ATP6V0A2: variants seen among roughly 807,000 people sequenced by gnomAD.
ATP6V0A2 encodes V-type proton ATPase 116 kDa subunit a 2.
A neutral mutation model predicts 104.4 loss-of-function variants in ATP6V0A2; 58 were observed. That is an observed-to-expected ratio of 0.56 (90% confidence interval 0.45 to 0.69). The LOEUF (loss-of-function observed/expected upper bound fraction) is 0.69, where lower values mean the gene tolerates loss of function less well. Among genes scored for constraint, ATP6V0A2 ranks in the 30% least tolerant of loss-of-function variants. The pLI is 0.00. For synonymous variants in ATP6V0A2, 376 were observed against 397.9 expected (o/e 0.95, Z 0.65); for missense variants, 938 against 1,062.9 (o/e 0.88, Z 1.63).
chr12:123,760,596 T>G lies in ATP6V0A2; in HGVS notation c.*2564T>G, dbSNP rs1956804334. 1 of 152,242 alleles carries G rather than the reference T, an allele frequency of 6.6e-6. No homozygotes were observed. Among genetic ancestry groups the G allele is most frequent in the African/African-American group, 2.4e-5 (1 of 41,466 alleles). The allele number at this position is 152,242 out of a possible 1,614,324, so 9.4% of individuals were successfully genotyped here. ...ATGTTTATTTTCCTAAAGATAAATG[T>G]CACGACACGACATTTCTCAGTTTTT... On this transcript the variant is annotated 3_prime_UTR_variant, in exon 20 of 20. Coordinates refer to ENST00000330342, the MANE Select transcript of ATP6V0A2 (RefSeq NM_012463.4).
At chr12:123,733,894 A>G in intron 6 of ATP6V0A2, 32 bp from the exon 7 acceptor site, 2 of 1,534,590 alleles carry the variant, frequency 1.3e-6, no homozygotes, top group Non-Finnish European at 1.8e-6. Context: ...ATACACGCAG[A>G]AATAACACTT....
At chr12:123,718,800 GAA>G in intron 2 of ATP6V0A2, 99 bp downstream of exon 2, 1 of 799,478 alleles carries the variant, frequency 1.3e-6, no homozygotes, top group African/African-American at 1.8e-5. Context: ...AAGCAGAAAG[GAA>G]AAAAAGAAAT....
chr12:123,724,102 T>C (rs1167575259), intron 3 of ATP6V0A2: 1 of 152,016 alleles, frequency 6.6e-6, no homozygotes, highest in Non-Finnish European at 1.5e-5. Context: ...TTTATTTATT[T>C]ACTTTGAGAA....
At chr12:123,756,029 C>T (rs1366783475) in intron 18 of ATP6V0A2, among the ~76,000 whole-genome samples, 7 of 146,380 alleles carry the variant, frequency 4.8e-5, no homozygotes, top group African/African-American at 1.0e-4. Flanking sequence ...TGCAGTGAGC[C>T]GAGATCATGC....
intron 9 of ATP6V0A2, among the ~76,000 whole-genome samples, chr12:123,739,938 T>C (rs961227910): frequency 6.6e-6 from 1 of 152,200 alleles, no homozygotes; most frequent in Non-Finnish European, 1.5e-5. Flanking sequence ...GAAAAATATC[T>C]TTTCTTTTTC....
In ATP6V0A2 at chr12:123,751,244, G is replaced by A. The variant is rs781095716; in HGVS notation, c.2055+15G>A. The A allele has an allele frequency of 1.7e-5, 27 of 1,614,132 alleles. No individual in the cohort carries two copies. In the South Asian group the frequency reaches 2.5e-4, roughly 15 times the overall value. On this transcript the variant is annotated intron_variant, in intron 16 of 19. Transcript: ENST00000330342. Reference sequence around the variant, plus strand: ...GGGTGAACCGGGTAAGTGCGGGTTTGGATGCATTTACAACTGTGAGCAAAG... The same window carrying A: ...GGGTGAACCGGGTAAGTGCGGGTTTAGATGCATTTACAACTGTGAGCAAAG...
At position 123,730,246 on chromosome 12, in the gene ATP6V0A2, G is replaced by A. The variant is rs187285839; in HGVS notation, c.648+2337G>A. ...ATTTTTTGTATTTTTTAGTAGAGAC[G>A]GGGTTTCACTGTGTTAGCCAGGATG... On this transcript the variant is annotated intron_variant, in intron 6 of 19. Coordinates refer to ENST00000330342, the MANE Select transcript of ATP6V0A2 (RefSeq NM_012463.4). Among the ~76,000 whole-genome samples, 247 of 151,868 alleles carry A rather than the reference G, an allele frequency of 1.6e-3. 1 individual carries two copies. Among genetic ancestry groups the A allele is most frequent in the African/African-American group, 5.3e-3 (218 of 41,378 alleles).
Position 123,744,498 on chromosome 12 carries a change from T to C in ATP6V0A2, c.1327-99T>C. The stretch of plus-strand genomic sequence containing the variant: ...CAGGGATGTCTGCGGGGCGAGGCTG[T>C]TTTCTGAGAAGTGAGTGGTGAGGGT... On this transcript the variant is annotated intron_variant, in intron 11 of 19. Coordinates refer to ENST00000330342, the MANE Select transcript of ATP6V0A2 (RefSeq NM_012463.4). The surrounding 1 kb of genome is among the most constrained non-coding windows in gnomAD (Gnocchi z 5.4). The C allele has an allele frequency of 1.3e-6, 2 of 1,580,964 alleles. No homozygotes were observed. The highest frequency in any genetic ancestry group is 1.7e-6 in the Non-Finnish European group (2 of 1,154,958).
At chr12:123,756,261 A>G (rs1286775119) in intron 18 of ATP6V0A2, 1 of 151,840 alleles carries the variant, frequency 6.6e-6, no homozygotes, top group Non-Finnish European at 1.5e-5. Context: ...TACTGTGCAA[A>G]GCAAGCACTG....
intron 19 of ATP6V0A2, among the ~76,000 whole-genome samples, chr12:123,757,295 G>T (rs900253620): frequency 6.6e-6 from 1 of 152,102 alleles, no homozygotes; most frequent in Admixed American, 6.5e-5. Flanking sequence ...ACAAAAATTA[G>T]CTGGGTGTGG....
chr12:123,756,995 G>A lies in ATP6V0A2; in HGVS notation c.2465+9G>A, dbSNP rs1394843451. 6.2e-7 allele frequency: 1 copy of A among 1,614,036 alleles called. No individual in the cohort carries two copies. The highest frequency in any genetic ancestry group is 8.5e-7 in the Non-Finnish European group (1 of 1,180,016). On this transcript the variant is annotated intron_variant, in intron 19 of 19. Coordinates refer to ENST00000330342, the MANE Select transcript of ATP6V0A2 (RefSeq NM_012463.4). Reference sequence around the variant, plus strand: ...GCCATACGCCTCCACTGGTGAGTTTGAAACCTAGCCTTGGAGCTGTTATTT... The same window carrying A: ...GCCATACGCCTCCACTGGTGAGTTTAAAACCTAGCCTTGGAGCTGTTATTT...
chr12:123,750,421 G>T (rs1956703684), intron 15 of ATP6V0A2: 2 of 153,970 alleles, frequency 1.3e-5, no homozygotes, highest in Non-Finnish European at 2.9e-5. Context: ...CCTGTTGATG[G>T]TGTGTAGATA....
At chr12:123,749,494 G>A (rs1479792198) in intron 15 of ATP6V0A2, among the ~76,000 whole-genome samples, 2 of 152,276 alleles carry the variant, frequency 1.3e-5, no homozygotes, top group Non-Finnish European at 2.9e-5. Context: ...CCGCTCTGCT[G>A]TTTCCTCAGG....
intron 18 of ATP6V0A2, 49 bp downstream of exon 18, chr12:123,754,586 A>C (rs369149984): frequency 1.3e-4 from 169 of 1,290,516 alleles, no homozygotes; most frequent in Non-Finnish European, 1.8e-4. Flanking sequence ...TAGTGCCAGC[A>C]GACTCAGGGG....
At chr12:123,730,087 C>T (rs1224287557) in intron 6 of ATP6V0A2, among the ~76,000 whole-genome samples, 1 of 122,130 alleles carries the variant, frequency 8.2e-6, no homozygotes, top group African/African-American at 3.3e-5. Flanking sequence ...CAGCGTCTGG[C>T]TCTGTCGCCC....
intron 2 of ATP6V0A2, 96 bp downstream of exon 2, chr12:123,718,797 A>G: frequency 1.2e-6 from 1 of 822,960 alleles, no homozygotes; most frequent in Non-Finnish European, 2.0e-6. Context: ...GACAAGCAGA[A>G]AGGAAAAAAA....
intron 13 of ATP6V0A2, 127 bp downstream of exon 13, chr12:123,745,099 C>A: frequency 2.2e-6 from 2 of 927,640 alleles, no homozygotes; most frequent in Non-Finnish European, 3.4e-6. Context: ...GCTCATTAGC[C>A]CCTGTGCATC....
intron 1 of ATP6V0A2, among the ~76,000 whole-genome samples, chr12:123,715,941 A>G (rs1326283051): frequency 1.3e-5 from 2 of 152,226 alleles, no homozygotes; most frequent in Non-Finnish European, 2.9e-5. Flanking sequence ...GGAAGAGTAC[A>G]GTGTACCCCC....
intron 9 of ATP6V0A2, chr12:123,739,115 A>G (rs939986124): frequency 6.6e-6 from 1 of 152,304 alleles, no homozygotes; most frequent in Non-Finnish European, 1.5e-5. Context: ...GATCGAGCCC[A>G]TGGTGCTGCT....
Sources: allele counts gnomAD v4.1 joint callset (sites outside exome capture counted in the v4.1 genomes callset), GRCh38; gene constraint gnomAD v4.1.1; non-coding constraint Gnocchi (gnomAD v3.1); transcripts MANE v1.5; gene names NCBI Gene and HGNC (gene_info 2026-07-23, HGNC 2026-07-21).